Variants in WWOX observed in about 807,000 individuals in gnomAD.
The protein encoded by WWOX is WW domain-containing oxidoreductase.
Under a neutral mutation model 46.2 loss-of-function variants are expected in WWOX, and 69 were observed. The ratio of observed to expected loss-of-function variants is 1.49; its 90% CI spans 1.23 to 1.82. The LOEUF (loss-of-function observed/expected upper bound fraction) is 1.82, where lower values mean the gene tolerates loss of function less well. WWOX is among the 40% of genes most tolerant of loss of function. The pLI, the probability that WWOX is intolerant of heterozygous loss-of-function variation, is 0.00. For synonymous variants in WWOX, 359 were observed against 202.6 expected (o/e 1.77, Z -6.56); for missense variants, 919 against 542.6 (o/e 1.69, Z -6.89).
At chr16:78,848,945 T>G (rs1234806305) in intron 8 of WWOX, among the ~76,000 whole-genome samples, 2 of 152,192 alleles carry the variant, frequency 1.3e-5, no homozygotes, top group Non-Finnish European at 2.9e-5. Context: ...TGATCATATT[T>G]CTATTTAGGG....
intron 6 of WWOX, among the ~76,000 whole-genome samples, chr16:78,391,658 G>C (rs2082176277): frequency 6.6e-6 from 1 of 152,152 alleles, no homozygotes; most frequent in Non-Finnish European, 1.5e-5. Context: ...GAACAGCCTG[G>C]CCAACATGGC....
chr16:78,536,049 G>T (rs2043751840), intron 8 of WWOX, among the ~76,000 whole-genome samples: 1 of 152,156 alleles, frequency 6.6e-6, no homozygotes, highest in Non-Finnish European at 1.5e-5. Flanking sequence ...GAGTTGTTCA[G>T]AAGTTTACAG....
chr16:78,141,633 G>A (rs754799900), intron 4 of WWOX, among the ~76,000 whole-genome samples: 6 of 152,066 alleles, frequency 3.9e-5, no homozygotes, highest in Non-Finnish European at 7.4e-5. Context: ...CAGTTACGTA[G>A]ACATACTTCC....
intron 8 of WWOX, among the ~76,000 whole-genome samples, chr16:78,789,274 G>C (rs943188970): frequency 6.6e-6 from 1 of 152,188 alleles, no homozygotes. Flanking sequence ...GACTTTTATA[G>C]TTTTAGCACT....
intron 4 of WWOX, among the ~76,000 whole-genome samples, chr16:78,118,276 G>A (rs2032912239): frequency 6.6e-6 from 1 of 151,880 alleles, no homozygotes; most frequent in East Asian, 1.9e-4. Flanking sequence ...ATATTACTAA[G>A]GCAATTGGAG....
chr16:79,162,186 A>G (rs569673457), intron 8 of WWOX, among the ~76,000 whole-genome samples: 43 of 152,222 alleles, frequency 2.8e-4, no homozygotes, highest in Middle Eastern at 6.8e-3. Context: ...AGATATTTTT[A>G]TATTTGCCTT....
chr16:78,780,315 C>G (rs570959505), intron 8 of WWOX: 4 of 152,294 alleles, frequency 2.6e-5, no homozygotes, highest in East Asian at 3.9e-4. Context: ...GGTACATTCA[C>G]TCACTCATGA....
At chr16:78,859,946 A>G (rs2052677006) in intron 8 of WWOX, among the ~76,000 whole-genome samples, 1 of 152,220 alleles carries the variant, frequency 6.6e-6, no homozygotes, top group African/African-American at 2.4e-5. Flanking sequence ...AGCATAATGA[A>G]CTTTGTGATT....
intron 8 of WWOX, among the ~76,000 whole-genome samples, chr16:78,530,392 A>G (rs970077786): frequency 3.3e-5 from 5 of 152,180 alleles, no homozygotes; most frequent in African/African-American, 1.2e-4. Context: ...TGCTGATGAA[A>G]GTGGCTTTCA....
At chr16:78,348,006 A>C (rs146595672) in intron 5 of WWOX, among the ~76,000 whole-genome samples, 1 of 122,760 alleles carries the variant, frequency 8.1e-6, no homozygotes, top group African/African-American at 2.8e-5. Flanking sequence ...GTTTTAAAGG[A>C]ATATAAAACT....
At chr16:79,138,356 A>G (rs926897856) in intron 8 of WWOX, among the ~76,000 whole-genome samples, 6 of 152,198 alleles carry the variant, frequency 3.9e-5, no homozygotes, top group Non-Finnish European at 7.3e-5. Context: ...TTAGTGACTC[A>G]TGATGTATCC....
At position 78,903,904 on chromosome 16, in the gene WWOX, G is replaced by T. The variant is rs138981616; in HGVS notation, c.1057-307704G>T. ...TGTTATTCCTCCTTTACAGAGGTGG[G>T]TCTGAAGGTACAGAGTGGATAAGTC... On this transcript the variant is annotated intron_variant, in intron 8 of 8. Coordinates refer to ENST00000566780, the MANE Select transcript of WWOX (RefSeq NM_016373.4). Among the ~76,000 whole-genome samples the T allele has an allele frequency of 1.3e-3, 193 of 152,274 alleles. 1 individual carries two copies. The highest frequency in any genetic ancestry group is 4.4e-3 in the African/African-American group (182 of 41,554).
chr16:78,838,034 C>G (rs541072034), intron 8 of WWOX, among the ~76,000 whole-genome samples: 2 of 152,288 alleles, frequency 1.3e-5, no homozygotes, highest in South Asian at 2.1e-4. Context: ...TTGAGAAAGA[C>G]TGGCACAGTT....
chr16:79,121,046 G>A (rs1239581662), intron 8 of WWOX, among the ~76,000 whole-genome samples: 3 of 152,186 alleles, frequency 2.0e-5, no homozygotes, highest in Admixed American at 6.5e-5. Context: ...TGGGATTACA[G>A]GCGTGAGTCA....
At chr16:79,152,931 G>C (rs1020510369) in intron 8 of WWOX, among the ~76,000 whole-genome samples, 14 of 152,118 alleles carry the variant, frequency 9.2e-5, no homozygotes, top group African/African-American at 3.4e-4. Context: ...TCTAGGAGAC[G>C]GTGGAAAGAG....
At chr16:79,210,020 C>G (rs374973280) in intron 8 of WWOX, among the ~76,000 whole-genome samples, 1 of 152,172 alleles carries the variant, frequency 6.6e-6, no homozygotes, top group Non-Finnish European at 1.5e-5. Context: ...AACAAACCAG[C>G]TACTATTAAG....
chr16:79,149,291 A>G lies in WWOX; in HGVS notation c.1057-62317A>G, dbSNP rs1426742575. On this transcript the variant is annotated intron_variant, in intron 8 of 8. Transcript: ENST00000566780. ...AACTGCTTTTTGTATGCCAATCTATATGATCATATGATTTTCCTTTAGCTT... is the reference window on the plus strand; with the variant it reads ...AACTGCTTTTTGTATGCCAATCTATGTGATCATATGATTTTCCTTTAGCTT... Among the ~76,000 whole-genome samples the G allele has an allele frequency of 2.0e-5, 3 of 152,322 alleles. No individual in the cohort carries two copies. The East Asian group carries it at 5.8e-4, about 29-fold the overall frequency.
At chr16:78,487,625 G>C (rs2084671998) in intron 8 of WWOX, among the ~76,000 whole-genome samples, 2 of 152,152 alleles carry the variant, frequency 1.3e-5, no homozygotes, top group African/African-American at 4.8e-5. Context: ...CATCTGTCCT[G>C]TATCTTGGAG....
chr16:78,456,443 A>G (rs1216345448), intron 8 of WWOX, among the ~76,000 whole-genome samples: 4 of 152,198 alleles, frequency 2.6e-5, no homozygotes, highest in Non-Finnish European at 5.9e-5. Flanking sequence ...AAAATATTTG[A>G]TATTTAAGAT....
Sources: gnomAD v4.1 joint callset for allele counts (sites outside exome capture counted in the v4.1 genomes callset) on GRCh38, gnomAD v4.1.1 for gene constraint, MANE v1.5 for transcripts, NCBI Gene and HGNC (gene_info 2026-07-23, HGNC 2026-07-21) for gene names.